SIDT1: variants seen among roughly 807,000 people sequenced by gnomAD.
SIDT1 encodes SID1 transmembrane family member 1.
In SIDT1, 101 loss-of-function variants were observed where a neutral mutation model predicts 107.5. The observed-to-expected ratio is 0.94, with a 90% CI of 0.80 to 1.11. The LOEUF (loss-of-function observed/expected upper bound fraction) is 1.11. Among genes scored for constraint, SIDT1 ranks in the 50% least tolerant of loss-of-function variants. The pLI, the probability that SIDT1 is intolerant of heterozygous loss-of-function variation, is 0.00. For synonymous variants in SIDT1, 395 were observed against 398.2 expected (o/e 0.99, Z 0.10); for missense variants, 1,076 against 1,058.2 (o/e 1.02, Z -0.23).
intron 1 of SIDT1, among the ~76,000 whole-genome samples, chr3:113,546,701 C>A (rs190066736): frequency 6.6e-6 from 1 of 152,048 alleles, no homozygotes; most frequent in African/African-American, 2.4e-5. Flanking sequence ...TCTTCTATGT[C>A]ATTTCTTTCT....
At chr3:113,592,601 C>CT (rs376575022) in intron 9 of SIDT1, 266 of 146,810 alleles carry the variant, frequency 1.8e-3, no homozygotes, top group Middle Eastern at 3.4e-3. Flanking sequence ...TTTTCTTTTT[C>CT]TTTTTTTTTT....
In SIDT1 at chr3:113,567,654, A is replaced by T. The variant is rs1253622973; in HGVS notation, c.459A>T (p.Ala153=). 1.9e-6 allele frequency: 3 copies of T among 1,613,932 alleles called. No individual in the cohort carries two copies. The highest frequency in any genetic ancestry group is 2.5e-6 in the Non-Finnish European group (3 of 1,179,990). Residue 153 remains alanine, a synonymous_variant, in exon 3 of 25, where the codon GCA becomes GCT. Transcript: ENST00000264852. ...QLIFVDVASM[A]PLGAQYKLLV... is the part of the protein sequence containing the mutation. ...TATTTGTAGATGTCGCATCCATGGC[A>T]CCCCTGGGTGCTCAGTACAAACTGC... is the stretch of plus-strand genomic sequence containing the variant.
chr3:113,565,870 C>T, intron 1 of SIDT1, among the ~76,000 whole-genome samples: 1 of 152,096 alleles, frequency 6.6e-6, no homozygotes, highest in East Asian at 1.9e-4. Context: ...TTTACCAACC[C>T]AAAATTGAAG....
chr3:113,618,464 A>G (rs1946250265), intron 20 of SIDT1, among the ~76,000 whole-genome samples: 3 of 152,230 alleles, frequency 2.0e-5, no homozygotes, highest in Admixed American at 2.0e-4. Flanking sequence ...GCTGGATTAC[A>G]TGGCAATCAT....
intron 5 of SIDT1, 129 bp from the exon 6 acceptor site, chr3:113,581,232 C>G (rs950474577): frequency 2.7e-6 from 2 of 730,968 alleles, no homozygotes; most frequent in South Asian, 1.7e-5. Flanking sequence ...GGGAAATTGC[C>G]TAGTTTCTGG....
chr3:113,618,728 G>A (rs1330154938), intron 20 of SIDT1, among the ~76,000 whole-genome samples: 2 of 152,246 alleles, frequency 1.3e-5, no homozygotes, highest in Non-Finnish European at 2.9e-5. Flanking sequence ...GCAAATTAAA[G>A]TATGATCAAA....
intron 1 of SIDT1, among the ~76,000 whole-genome samples, chr3:113,536,739 G>A (rs1938217208): frequency 6.6e-6 from 1 of 152,216 alleles, no homozygotes. Context: ...TAAATATGAA[G>A]TTGCCTTCAA....
chr3:113,616,053 A>G, intron 19 of SIDT1, 47 bp from the exon 20 acceptor site: 1 of 1,335,984 alleles, frequency 7.5e-7, no homozygotes, highest in Non-Finnish European at 1.1e-6. Context: ...GAGTATTTGT[A>G]TTTTTGTTGA....
chr3:113,612,387 C>T, intron 19 of SIDT1, 193 bp downstream of exon 19: 1 of 649,564 alleles, frequency 1.5e-6, no homozygotes, highest in Non-Finnish European at 2.8e-6. Flanking sequence ...TAAGCTATTA[C>T]CCCTAGTTCT....
At chr3:113,543,710 T>C (rs1422534957) in intron 1 of SIDT1, among the ~76,000 whole-genome samples, 4 of 152,238 alleles carry the variant, frequency 2.6e-5, no homozygotes, top group Admixed American at 6.5e-5. Flanking sequence ...TTGCTTCTTT[T>C]TCTGTAACTT....
intron 14 of SIDT1, among the ~76,000 whole-genome samples, chr3:113,605,853 A>C (rs1945289193): frequency 6.6e-6 from 1 of 151,970 alleles, no homozygotes; most frequent in South Asian, 2.1e-4. Flanking sequence ...AAAATACAAA[A>C]AAATTAGCTG....
chr3:113,547,724 G>C (rs1939756369), intron 1 of SIDT1, among the ~76,000 whole-genome samples: 1 of 152,088 alleles, frequency 6.6e-6, no homozygotes, highest in Non-Finnish European at 1.5e-5. Flanking sequence ...CAGCTCCCAA[G>C]AACCAGGAAG....
chr3:113,542,936 G>T lies in SIDT1; in HGVS notation c.222+9693G>T, dbSNP rs1553777580. Among the ~76,000 whole-genome samples the T allele has an allele frequency of 7.1e-3, 839 of 118,514 alleles. 5 individuals carry two copies. Among genetic ancestry groups the T allele is most frequent in the Middle Eastern group, 0.017 (4 of 240 alleles). The allele number at this position is 118,514 out of a possible 152,430, so 77.7% of individuals were successfully genotyped here. The stretch of plus-strand genomic sequence containing the variant: ...TGTGTGTGTGTGTGTGTGTGTGTGT[G>T]TGTTTGTTTGTTTGTTTGTTTTTCA... On this transcript the variant is annotated intron_variant, in intron 1 of 24. Transcript: ENST00000264852.
At chr3:113,616,247 G>A (rs1463989425) in intron 20 of SIDT1, 71 bp downstream of exon 20, 2 of 1,227,352 alleles carry the variant, frequency 1.6e-6, no homozygotes, top group South Asian at 2.4e-5. Flanking sequence ...AACAGGCTTG[G>A]GGCAGTCACT....
At chr3:113,571,039 A>G (rs570494406) in intron 3 of SIDT1, among the ~76,000 whole-genome samples, 14 of 152,306 alleles carry the variant, frequency 9.2e-5, no homozygotes, top group African/African-American at 3.4e-4. Flanking sequence ...GCCATAATGA[A>G]CTATTTCTAC....
intron 4 of SIDT1, among the ~76,000 whole-genome samples, chr3:113,577,193 T>C (rs1942968546): frequency 6.6e-6 from 1 of 152,226 alleles, no homozygotes; most frequent in African/African-American, 2.4e-5. Flanking sequence ...ATGCTATTTG[T>C]TTTCAGGTGT....
At chr3:113,565,896 A>AG (rs1185710648) in intron 1 of SIDT1, among the ~76,000 whole-genome samples, 2 of 152,190 alleles carry the variant, frequency 1.3e-5, no homozygotes, top group Non-Finnish European at 2.9e-5. Context: ...CAGCAATTGA[A>AG]GTTCTCATGG....
Position 113,612,151 on chromosome 3 carries a change from A to C in SIDT1, c.1923A>C (p.Leu641=). ...IFSAIHVLAS[L]ALSTQIYYMG... ...CTGCAATCCACGTTCTGGCCTCGCT[A>C]GCCCTCAGCACCCAGATATATTATA... Residue 641 remains leucine (L), a synonymous_variant, in exon 19 of 25, where the codon CTA becomes CTC. Transcript: ENST00000264852. The C allele has an allele frequency of 6.2e-7, 1 of 1,614,156 alleles. No individual in the cohort carries two copies. The highest frequency in any genetic ancestry group is 8.5e-7 in the Non-Finnish European group (1 of 1,180,012).
chr3:113,635,097 G>A, the SIDT1 span, among the ~76,000 whole-genome samples: 90 of 152,290 alleles, frequency 5.9e-4, no homozygotes, highest in Middle Eastern at 3.4e-3. Flanking sequence ...AAATTAAAAC[G>A]TGCAGCATAA....
Sources: allele counts gnomAD v4.1 joint callset (sites outside exome capture counted in the v4.1 genomes callset), GRCh38; gene constraint gnomAD v4.1.1; transcripts MANE v1.5; gene names NCBI Gene and HGNC (gene_info 2026-07-23, HGNC 2026-07-21).